Variants in SERPINB7 observed in about 807,000 individuals in gnomAD.
The protein encoded by SERPINB7 is serpin B7.
In SERPINB7, 31 loss-of-function variants were observed where a neutral mutation model predicts 37.4. That is an observed-to-expected ratio of 0.83 (90% CI 0.62 to 1.12). The LOEUF (loss-of-function observed/expected upper bound fraction) is 1.12, where lower values mean the gene tolerates loss of function less well. Ranked by LOEUF, SERPINB7 falls within the 50% of genes most tolerant of loss-of-function variation. The probability of loss-of-function intolerance (pLI) is 0.00; values close to 1 mark genes in which losing one functional copy is unlikely to be tolerated. For missense variants in SERPINB7, 521 were observed against 455.3 expected (o/e 1.14, Z -1.31); for synonymous variants, 163 against 166.1 (o/e 0.98, Z 0.14).
intron 1 of SERPINB7, among the ~76,000 whole-genome samples, chr18:63,768,198 G>T (rs1023342194): frequency 1.5e-4 from 22 of 151,560 alleles, no homozygotes; most frequent in African/African-American, 5.1e-4. Context: ...GTTTGTTTTT[G>T]GTTTATTTTG....
chr18:63,779,698 G>A (rs190809490), intron 1 of SERPINB7, among the ~76,000 whole-genome samples: 5 of 151,646 alleles, frequency 3.3e-5, no homozygotes, highest in Admixed American at 3.3e-4. Flanking sequence ...TATGTACTCT[G>A]TATCCTGAAT....
At chr18:63,783,178 AAGAAAGAAAGAGAGAGAGAG>A (rs1223551475) in intron 2 of SERPINB7, among the ~76,000 whole-genome samples, 8 of 100,946 alleles carry the variant, frequency 7.9e-5, no homozygotes, top group African/African-American at 3.9e-4. Flanking sequence ...AAAATAAAGA[AAGAAAGAAAGAGAGAGAGAG>A]AGAGAGAGAG....
intron 6 of SERPINB7, among the ~76,000 whole-genome samples, chr18:63,799,304 G>A (rs2049522312): frequency 6.6e-6 from 1 of 152,086 alleles, no homozygotes; most frequent in South Asian, 2.1e-4. Flanking sequence ...AAATCAATTT[G>A]TACACAGTAA....
intron 1 of SERPINB7, among the ~76,000 whole-genome samples, chr18:63,762,636 G>A (rs73469938): frequency 0.033 from 4,965 of 152,282 alleles, 126 homozygotes; most frequent in African/African-American, 0.066. Flanking sequence ...AGCTCTGGGG[G>A]AGTGACGAGA....
In SERPINB7 at chr18:63,759,949, G is replaced by A. The variant is rs138797520; in HGVS notation, c.-19+6829G>A. On this transcript the variant is annotated intron_variant, in intron 1 of 7. Transcript: ENST00000336429. ...TCTCAGGTATGTCTTTATCAGCAGCGTGAAAACAGACTAATACAGTAAATT... is the reference window on the plus strand; with the variant it reads ...TCTCAGGTATGTCTTTATCAGCAGCATGAAAACAGACTAATACAGTAAATT... 4.7e-4 allele frequency among the ~76,000 whole-genome samples: 72 copies of A among 152,248 alleles called. 1 individual carries two copies. The highest frequency in any genetic ancestry group is 8.1e-4 in the Non-Finnish European group (55 of 68,012).
chr18:63,768,090 T>A (rs757048097), intron 1 of SERPINB7, among the ~76,000 whole-genome samples: 5 of 152,106 alleles, frequency 3.3e-5, no homozygotes, highest in Non-Finnish European at 7.4e-5. Flanking sequence ...AGGGGTTAAA[T>A]CTTATTGATT....
rs566036332 is a variant in SERPINB7, at chr18:63,795,671, G to T, written c.337-595G>T. 6.3e-4 allele frequency among the ~76,000 whole-genome samples: 96 copies of T among 152,194 alleles called. No individual in the cohort carries two copies. In the Middle Eastern group the frequency reaches 0.014, roughly 22 times the overall value. The stretch of plus-strand genomic sequence containing the variant: ...ACAGCCATACTTGGAACTAGAAAAT[G>T]GGTAAGACATAATCATGAGCTATAT... On this transcript the variant is annotated intron_variant, in intron 4 of 7. Transcript: ENST00000398019.
chr18:63,787,760 T>A (rs2049387095), intron 2 of SERPINB7, among the ~76,000 whole-genome samples: 1 of 152,144 alleles, frequency 6.6e-6, no homozygotes, highest in South Asian at 2.1e-4. Flanking sequence ...AAGGGGAGAT[T>A]CCTTTCTCTG....
intron 2 of SERPINB7, among the ~76,000 whole-genome samples, chr18:63,786,114 T>A (rs1459687079): frequency 7.1e-6 from 1 of 141,622 alleles, no homozygotes; most frequent in African/African-American, 2.6e-5. Context: ...TATATGTATA[T>A]ATGTATATAT....
chr18:63,785,137 T>G (rs369598069), intron 2 of SERPINB7, among the ~76,000 whole-genome samples: 1 of 152,192 alleles, frequency 6.6e-6, no homozygotes, highest in African/African-American at 2.4e-5. Context: ...CACAAAAACA[T>G]TCATCTAATT....
chr18:63,785,953 T>TTATATATACACATATATAATATACG (rs1568209228), intron 2 of SERPINB7, among the ~76,000 whole-genome samples: 14 of 83,086 alleles, frequency 1.7e-4, no homozygotes, highest in South Asian at 8.5e-4. Context: ...TATAATATAC[T>TTATATATACACATATATAATATACG]TATATATACA....
chr18:63,761,672 C>T (rs9951867), intron 1 of SERPINB7, among the ~76,000 whole-genome samples: 31,713 of 152,012 alleles, frequency 0.21, 4,109 homozygotes, highest in East Asian at 0.67. Context: ...GTGCTATTCT[C>T]GTGATAGTGA....
chr18:63,759,857 C>T (rs923411491), intron 1 of SERPINB7, among the ~76,000 whole-genome samples: 1 of 152,196 alleles, frequency 6.6e-6, no homozygotes, highest in African/African-American at 2.4e-5. Flanking sequence ...TCACCTCCCC[C>T]CATGATTCTG....
intron 2 of SERPINB7, among the ~76,000 whole-genome samples, chr18:63,791,899 C>G (rs538852353): frequency 1.3e-5 from 2 of 152,082 alleles, no homozygotes; most frequent in African/African-American, 4.8e-5. Context: ...CCTGAGCCAC[C>G]GCACCCGGCC....
chr18:63,762,204 C>T lies in SERPINB7; in HGVS notation c.-19+9084C>T, dbSNP rs942920073. Among the ~76,000 whole-genome samples the T allele has an allele frequency of 7.2e-5, 11 of 152,134 alleles. 1 individual carries two copies. The highest frequency in any genetic ancestry group is 2.1e-4 in the South Asian group (1 of 4,824). On this transcript the variant is annotated intron_variant, in intron 1 of 7. Coordinates refer to the SERPINB7 transcript ENST00000336429. ...ACCCACCAGGCCTGTGAAGAAAATT[C>T]GTTCAGTCAATGAGTGGATGAATGA...
upstream of SERPINB7, among the ~76,000 whole-genome samples, chr18:63,770,873 G>GCGCACACACACACA (rs1555692942): frequency 6.7e-6 from 1 of 148,834 alleles, no homozygotes; most frequent in Non-Finnish European, 1.5e-5. Flanking sequence ...GTCTGCACAT[G>GCGCACACACACACA]CACACACACA....
At chr18:63,772,749 T>C (rs2144596294), upstream of SERPINB7, among the ~76,000 whole-genome samples, 1 of 152,266 alleles carries the variant, frequency 6.6e-6, no homozygotes, top group South Asian at 2.1e-4. Flanking sequence ...ACAATAGTGA[T>C]TCTTCAAGAA....
chr18:63,791,843 C>G (rs2049432051), intron 2 of SERPINB7, among the ~76,000 whole-genome samples: 1 of 152,116 alleles, frequency 6.6e-6, no homozygotes, highest in Non-Finnish European at 1.5e-5. Flanking sequence ...ATCTCCTGAC[C>G]TCGTGATCTG....
chr18:63,773,461 A>G (rs1214241363), upstream of SERPINB7, among the ~76,000 whole-genome samples: 2 of 152,116 alleles, frequency 1.3e-5, no homozygotes, highest in Non-Finnish European at 2.9e-5. Flanking sequence ...TGCCCTCGCC[A>G]TTAGTATTCG....
Sources: allele counts gnomAD v4.1 joint callset (sites outside exome capture counted in the v4.1 genomes callset), GRCh38; gene constraint gnomAD v4.1.1; transcripts MANE v1.5; gene names NCBI Gene and HGNC (gene_info 2026-07-23, HGNC 2026-07-21).